The following CACHD1 variants were observed in gnomAD, a reference collection of about 807,000 sequenced individuals.
CACHD1 encodes VWFA and cache domain-containing protein 1.
In CACHD1, 71 loss-of-function variants were observed where a neutral mutation model predicts 138.7. The ratio of observed to expected loss-of-function variants is 0.51; its 90% CI spans 0.42 to 0.62. CACHD1 has a LOEUF of 0.62. Among genes scored for constraint, CACHD1 ranks in the 20% least tolerant of loss-of-function variants. The pLI, the probability that CACHD1 is intolerant of heterozygous loss-of-function variation, is 0.00. For missense variants in CACHD1, 1,389 were observed against 1,625.3 expected (o/e 0.85, Z 2.50); for synonymous variants, 578 against 591.5 (o/e 0.98, Z 0.33).
chr1:64,664,740 A>C (rs1319313009), intron 15 of CACHD1, 61 bp downstream of exon 15: 1 of 1,488,830 alleles, frequency 6.7e-7, no homozygotes, highest in African/African-American at 1.4e-5. Context: ...AGACATGGTA[A>C]GTACATACAA....
intron 26 of CACHD1, among the ~76,000 whole-genome samples, chr1:64,685,206 G>C (rs1301363074): frequency 6.6e-6 from 1 of 152,146 alleles, no homozygotes; most frequent in Non-Finnish European, 1.5e-5. Context: ...CTACAGTATT[G>C]TGTACAATTG....
chr1:64,521,030 C>G (rs1646494427), intron 1 of CACHD1, among the ~76,000 whole-genome samples: 1 of 152,234 alleles, frequency 6.6e-6, no homozygotes, highest in African/African-American at 2.4e-5. Flanking sequence ...TTTATTCTAT[C>G]CCAGTTTCTT....
intron 1 of CACHD1, among the ~76,000 whole-genome samples, chr1:64,500,729 AAAAAAAGAG>A (rs1646333382): frequency 2.1e-5 from 1 of 48,122 alleles, no homozygotes; most frequent in Admixed American, 2.8e-4. Context: ...AAAAAAAAAA[AAAAAAAGAG>A]AGAGAGAGAG....
At chr1:64,638,035 A>G (rs189737403) in intron 7 of CACHD1, among the ~76,000 whole-genome samples, 13 of 152,254 alleles carry the variant, frequency 8.5e-5, no homozygotes, top group Admixed American at 7.2e-4. Context: ...TAAATATCCA[A>G]TGCATATTTC....
intron 4 of CACHD1, among the ~76,000 whole-genome samples, chr1:64,617,899 T>G (rs1481412543): frequency 1.3e-5 from 2 of 152,088 alleles, no homozygotes; most frequent in African/African-American, 4.8e-5. Flanking sequence ...GCTAACATGG[T>G]GAAACCCCAT....
In CACHD1 at chr1:64,682,043, C is replaced by T. The variant is rs1650209758; in HGVS notation, c.3523C>T (p.His1175Tyr). 1.2e-6 allele frequency: 2 copies of T among 1,613,966 alleles called. No individual in the cohort carries two copies. The highest frequency in any genetic ancestry group is 2.2e-5 in the East Asian group (1 of 44,876). Residue 1175 changes from histidine (H) to tyrosine (Y), a missense_variant, in exon 26 of 27, where the codon CAT (histidine) becomes TAT (tyrosine). By Grantham distance (83) the His-to-Tyr change is moderately conservative. Coordinates refer to ENST00000651257, the MANE Select transcript of CACHD1 (RefSeq NM_020925.4). ...GTTTATAGCTGCGGTCATCGAACGA[C>T]ATGCACACAGTCCAGAAAGAAGGCG... Reference protein sequence around the residue: ...TRFIAAVIERHAHSPERRRRY... With the variant: ...TRFIAAVIERYAHSPERRRRY...
intron 25 of CACHD1, 95 bp downstream of exon 25, chr1:64,681,430 T>A: frequency 9.9e-7 from 1 of 1,012,486 alleles, no homozygotes; most frequent in South Asian, 1.7e-5. Flanking sequence ...GTATTAAAAT[T>A]TAAGAAGCTT....
Position 64,511,982 on chromosome 1 carries a change from T to G in CACHD1, c.199-38612T>G, listed in dbSNP as rs139331169. ...TGGCATGTATAGTAAGACTTTTTAA[T>G]AAGGTTTTATATATAAAGTTACTGA... is the stretch of plus-strand genomic sequence containing the variant. On this transcript the variant is annotated intron_variant, in intron 1 of 26. Coordinates refer to ENST00000651257, the MANE Select transcript of CACHD1 (RefSeq NM_020925.4). Among the ~76,000 whole-genome samples the G allele has an allele frequency of 9.1e-3, 1,384 of 152,300 alleles. 26 individuals carry two copies. The highest frequency in any genetic ancestry group is 0.032 in the African/African-American group (1,321 of 41,556).
At chr1:64,635,380 A>ATTTTTTTT in intron 7 of CACHD1, among the ~76,000 whole-genome samples, 2 of 91,846 alleles carry the variant, frequency 2.2e-5, no homozygotes, top group Non-Finnish European at 4.6e-5. Context: ...CTCTAATTTA[A>ATTTTTTTT]TTTTTTTTTT....
chr1:64,470,709 C>T lies in CACHD1; in HGVS notation c.-36C>T. 2.0e-6 allele frequency: 1 copy of T among 501,362 alleles called. No individual in the cohort carries two copies. The highest frequency in any genetic ancestry group is 3.5e-5 in the South Asian group (1 of 28,496). The allele number at this position is 501,362 out of a possible 1,614,324, so 31.1% of individuals were successfully genotyped here. On this transcript the variant is annotated 5_prime_UTR_variant, in exon 1 of 27. Transcript: ENST00000651257. The surrounding 1 kb of genome is among the most constrained non-coding windows in gnomAD (Gnocchi z 5.2). ...ACCTCCCGCGGCCCGCTTCCCCGCG[C>T]CCGGAGCCCGTCGGCGGGGAGTGGG...
At chr1:64,670,677 G>C (rs1649782996) in intron 16 of CACHD1, among the ~76,000 whole-genome samples, 1 of 152,118 alleles carries the variant, frequency 6.6e-6, no homozygotes, top group Non-Finnish European at 1.5e-5. Flanking sequence ...CATGCCTGAG[G>C]GCTCAACTTC....
At chr1:64,583,766 G>C (rs1647030224) in intron 3 of CACHD1, among the ~76,000 whole-genome samples, 1 of 152,132 alleles carries the variant, frequency 6.6e-6, no homozygotes, top group African/African-American at 2.4e-5. Flanking sequence ...CTTATATGGT[G>C]GCAGGAAAGA....
Position 64,490,911 on chromosome 1 carries a change from C to T in CACHD1, c.198+19969C>T, listed in dbSNP as rs539573744. Among the ~76,000 whole-genome samples, 194 of 152,332 alleles carry T rather than the reference C, an allele frequency of 1.3e-3. 2 individuals carry two copies. Among genetic ancestry groups the T allele is most frequent in the African/African-American group, 4.5e-3 (189 of 41,568 alleles). ...CAGAGCAACATTTTCTCTCTCCAAACATGGACTGAAAACTCTTGCCCTTTA... is the reference window on the plus strand; with the variant it reads ...CAGAGCAACATTTTCTCTCTCCAAATATGGACTGAAAACTCTTGCCCTTTA... On this transcript the variant is annotated intron_variant, in intron 1 of 26. Coordinates refer to ENST00000651257, the MANE Select transcript of CACHD1 (RefSeq NM_020925.4).
At chr1:64,624,576 C>T (rs1038140399) in intron 4 of CACHD1, among the ~76,000 whole-genome samples, 3 of 152,194 alleles carry the variant, frequency 2.0e-5, no homozygotes, top group African/African-American at 7.2e-5. Context: ...TACACACACT[C>T]ATGTCAGCCA....
chr1:64,626,309 ATGTGTTAATTT>A (rs1218392594), intron 4 of CACHD1, among the ~76,000 whole-genome samples: 1 of 147,674 alleles, frequency 6.8e-6, no homozygotes, highest in Non-Finnish European at 1.5e-5. Context: ...TGGCTGTCAC[ATGTGTTAATTT>A]TTGGAAAGCA....
chr1:64,611,939 A>G (rs116237737), intron 4 of CACHD1, among the ~76,000 whole-genome samples: 1,944 of 152,354 alleles, frequency 0.013, 39 homozygotes, highest in African/African-American at 0.045. Context: ...ACAGTTCCAC[A>G]TGGCTATGGA....
chr1:64,654,430 G>T (rs563789937), intron 11 of CACHD1, among the ~76,000 whole-genome samples: 197 of 152,326 alleles, frequency 1.3e-3, no homozygotes, highest in African/African-American at 4.5e-3. Flanking sequence ...ATGACTGAGT[G>T]ATTTGAGACA....
chr1:64,663,648 A>C lies in CACHD1; in HGVS notation c.1952-47A>C, dbSNP rs199675139. The C allele has an allele frequency of 1.9e-4, 314 of 1,611,862 alleles. 1 individual carries two copies. The highest frequency in any genetic ancestry group is 1.7e-3 in the Middle Eastern group (10 of 6,036). On this transcript the variant is annotated intron_variant, in intron 13 of 26. Coordinates refer to ENST00000651257, the MANE Select transcript of CACHD1 (RefSeq NM_020925.4). ...GAGTGATGCCTTTGTTTGGGATGAGATAGAGTCTCCGCATTCTCAGGCCTG... is the reference window on the plus strand; with the variant it reads ...GAGTGATGCCTTTGTTTGGGATGAGCTAGAGTCTCCGCATTCTCAGGCCTG...
At chr1:64,667,685 G>A (rs962423888) in intron 16 of CACHD1, among the ~76,000 whole-genome samples, 8 of 152,188 alleles carry the variant, frequency 5.3e-5, no homozygotes, top group Admixed American at 6.5e-5. Context: ...AGGGGAAGCA[G>A]TCACCTTGGT....
Sources: allele counts gnomAD v4.1 joint callset (sites outside exome capture counted in the v4.1 genomes callset), GRCh38; gene constraint gnomAD v4.1.1; non-coding constraint Gnocchi (gnomAD v3.1); transcripts MANE v1.5; gene names NCBI Gene and HGNC (gene_info 2026-07-23, HGNC 2026-07-21).